The following COMMD1 variants were observed in gnomAD, a reference collection of about 807,000 sequenced individuals.
COMMD1 encodes COMM domain-containing protein 1.
In COMMD1, 10 loss-of-function variants were observed where a neutral mutation model predicts 17.2. The ratio of observed to expected loss-of-function variants is 0.58; its 90% CI spans 0.36 to 0.99. The LOEUF is 0.99. Among genes scored for constraint, COMMD1 ranks in the 50% least tolerant of loss-of-function variants. The pLI is 0.01. For missense variants in COMMD1, 270 were observed against 231.8 expected (o/e 1.17, Z -1.07); for synonymous variants, 97 against 91.6 (o/e 1.06, Z -0.34).
intron 2 of COMMD1, among the ~76,000 whole-genome samples, chr2:62,097,173 T>G (rs1246143053): frequency 6.6e-6 from 1 of 152,232 alleles, no homozygotes; most frequent in Non-Finnish European, 1.5e-5. Context: ...TTTATAGCTC[T>G]TAGGTCTTGA....
intron 2 of COMMD1, among the ~76,000 whole-genome samples, chr2:62,122,040 A>G (rs1321173732): frequency 6.6e-6 from 1 of 152,152 alleles, no homozygotes; most frequent in African/African-American, 2.4e-5. Flanking sequence ...ATCCGCCTAC[A>G]TAGGCCTCCC....
intron 2 of COMMD1, among the ~76,000 whole-genome samples, chr2:62,043,562 G>T (rs1172363688): frequency 1.3e-5 from 2 of 152,186 alleles, no homozygotes; most frequent in Admixed American, 1.3e-4. Context: ...TGGACAAACT[G>T]AGGATCAGGT....
intron 1 of COMMD1, among the ~76,000 whole-genome samples, chr2:61,997,678 C>T (rs1316550200): frequency 3.9e-5 from 6 of 152,106 alleles, no homozygotes; most frequent in Non-Finnish European, 8.8e-5. Context: ...TTATAGAGCA[C>T]GGGCAGAGTA....
At chr2:62,066,085 G>A (rs947759675) in intron 2 of COMMD1, among the ~76,000 whole-genome samples, 2 of 152,072 alleles carry the variant, frequency 1.3e-5, no homozygotes, top group African/African-American at 4.8e-5. Flanking sequence ...GGCATTACTG[G>A]GGTTTAATTT....
chr2:61,944,794 C>T (rs1260785744), intron 1 of COMMD1, among the ~76,000 whole-genome samples: 2 of 152,040 alleles, frequency 1.3e-5, no homozygotes, highest in Non-Finnish European at 2.9e-5. Flanking sequence ...TGCCTTTGTT[C>T]TGAGTTCTTT....
intron 2 of COMMD1, among the ~76,000 whole-genome samples, chr2:62,008,402 T>C (rs1381717707): frequency 6.6e-6 from 1 of 151,810 alleles, no homozygotes; most frequent in East Asian, 1.9e-4. Flanking sequence ...ATATATTTGT[T>C]TATACCTGTG....
intron 2 of COMMD1, chr2:62,070,175 A>G (rs981246689): frequency 1.3e-5 from 2 of 152,202 alleles, no homozygotes; most frequent in East Asian, 1.9e-4. Context: ...AACTCAGGAA[A>G]GTACTATACA....
At chr2:62,107,895 T>G (rs1294016041) in intron 2 of COMMD1, among the ~76,000 whole-genome samples, 2 of 152,154 alleles carry the variant, frequency 1.3e-5, no homozygotes, top group Non-Finnish European at 2.9e-5. Context: ...TCTACAGACT[T>G]TTTCCTTTAA....
intron 1 of COMMD1, among the ~76,000 whole-genome samples, chr2:61,965,260 T>C (rs939499855): frequency 6.6e-6 from 1 of 152,200 alleles, no homozygotes; most frequent in Non-Finnish European, 1.5e-5. Flanking sequence ...TATGGAAGCA[T>C]AAACATGGAA....
At chr2:62,096,555 G>A (rs1672015688) in intron 2 of COMMD1, among the ~76,000 whole-genome samples, 1 of 152,156 alleles carries the variant, frequency 6.6e-6, no homozygotes, top group South Asian at 2.1e-4. Flanking sequence ...ATTGGGTCCA[G>A]CTGGGTCTGT....
At chr2:61,968,126 A>G (rs1573012194) in intron 1 of COMMD1, among the ~76,000 whole-genome samples, 1 of 151,908 alleles carries the variant, frequency 6.6e-6, no homozygotes, top group African/African-American at 2.4e-5. Context: ...GTGCCACTGC[A>G]CTCCTGCCTG....
At chr2:61,893,312 T>A (rs1485035826) in intron 1 of COMMD1, among the ~76,000 whole-genome samples, 1 of 151,898 alleles carries the variant, frequency 6.6e-6, no homozygotes, top group Non-Finnish European at 1.5e-5. Flanking sequence ...GTTAAAATAT[T>A]TGTCTGAAAA....
At chr2:61,949,200 TGCCGTGGCAGA>T (rs1054344816) in intron 1 of COMMD1, among the ~76,000 whole-genome samples, 2 of 152,128 alleles carry the variant, frequency 1.3e-5, no homozygotes, top group African/African-American at 4.8e-5. Flanking sequence ...GAGCTAGTGC[TGCCGTGGCAGA>T]GCATATAGTC....
intron 1 of COMMD1, among the ~76,000 whole-genome samples, chr2:61,936,086 G>A (rs1670599837): frequency 6.6e-6 from 1 of 152,170 alleles, no homozygotes; most frequent in South Asian, 2.1e-4. Context: ...CCAAAGTGCT[G>A]AGACACCATG....
At chr2:61,973,057 T>C (rs1671696686) in intron 1 of COMMD1, among the ~76,000 whole-genome samples, 1 of 152,194 alleles carries the variant, frequency 6.6e-6, no homozygotes, top group Non-Finnish European at 1.5e-5. Flanking sequence ...TTATTATTGT[T>C]CAATTTTGGT....
intron 1 of COMMD1, among the ~76,000 whole-genome samples, chr2:61,985,302 G>A (rs190565409): frequency 1.3e-5 from 2 of 152,068 alleles, no homozygotes; most frequent in Non-Finnish European, 2.9e-5. Context: ...CGCCCGCCTT[G>A]GCCTCCCAAA....
At chr2:61,892,866 G>A (rs1051777272) in intron 1 of COMMD1, among the ~76,000 whole-genome samples, 10 of 151,434 alleles carry the variant, frequency 6.6e-5, no homozygotes, top group Non-Finnish European at 1.3e-4. Context: ...TGTTTGCATC[G>A]TTCTTTTTTT....
chr2:61,980,918 T>A (rs945673062), intron 1 of COMMD1, among the ~76,000 whole-genome samples: 2 of 152,224 alleles, frequency 1.3e-5, no homozygotes, highest in African/African-American at 4.8e-5. Context: ...ATGTTGAGCA[T>A]CTTTTCATGT....
chr2:62,076,696 G>A (rs1296332141), intron 2 of COMMD1, among the ~76,000 whole-genome samples: 10 of 151,610 alleles, frequency 6.6e-5, no homozygotes, highest in African/African-American at 1.5e-4. Flanking sequence ...GCAGTGAGCC[G>A]AGATCACACC....
Sources: gnomAD v4.1 joint callset for allele counts (sites outside exome capture counted in the v4.1 genomes callset) on GRCh38, gnomAD v4.1.1 for gene constraint, MANE v1.5 for transcripts, NCBI Gene and HGNC (gene_info 2026-07-23, HGNC 2026-07-21) for gene names.